C5: variants seen among roughly 807,000 people sequenced by gnomAD.
The protein encoded by C5 is C3 and PZP-like alpha-2-macroglobulin domain-containing protein 4.
In C5, 140 loss-of-function variants were observed where a neutral mutation model predicts 218.8. The observed-to-expected ratio is 0.64, with a 90% CI of 0.56 to 0.74. The LOEUF is 0.74. C5 is among the 30% of genes least tolerant of loss of function. The probability of loss-of-function intolerance (pLI) is 0.00; values close to 1 mark genes in which losing one functional copy is unlikely to be tolerated. For missense variants in C5, 1,700 were observed against 1,969.6 expected (o/e 0.86, Z 2.59); for synonymous variants, 614 against 682.3 (o/e 0.90, Z 1.56).
intron 12 of C5, among the ~76,000 whole-genome samples, chr9:121,019,287 GT>G: frequency 6.6e-6 from 1 of 152,230 alleles, no homozygotes; most frequent in East Asian, 1.9e-4. Context: ...CCTCATTACT[GT>G]TTTTTCAATT....
intron 10 of C5, 37 bp downstream of exon 10, chr9:121,023,367 T>A (rs2047383372): frequency 8.3e-7 from 1 of 1,201,042 alleles, no homozygotes; most frequent in Non-Finnish European, 1.2e-6. Flanking sequence ...AACAAGATGA[T>A]CATATGTAGC....
intron 15 of C5, 126 bp downstream of exon 15, chr9:121,016,128 G>T: frequency 8.2e-7 from 1 of 1,217,682 alleles, no homozygotes; most frequent in Non-Finnish European, 1.2e-6. Flanking sequence ...ATTTTATACA[G>T]GTGAGTTATG....
chr9:121,021,804 T>C, intron 10 of C5, 110 bp from the exon 11 acceptor site: 1 of 1,088,860 alleles, frequency 9.2e-7, no homozygotes. Flanking sequence ...TATTTATGTA[T>C]TTTTTTCTGA....
intron 21 of C5, 35 bp downstream of exon 21, chr9:120,997,512 T>A (rs764319160): frequency 1.4e-6 from 2 of 1,439,644 alleles, no homozygotes; most frequent in East Asian, 2.3e-5. Flanking sequence ...TTTGCAATAA[T>A]TTAAGCATAA....
intron 31 of C5, among the ~76,000 whole-genome samples, chr9:120,971,716 C>T (rs144089168): frequency 2.6e-5 from 4 of 152,304 alleles, no homozygotes; most frequent in African/African-American, 4.8e-5. Context: ...GGATTAAAGG[C>T]GTGAGCCACC....
chr9:120,988,825 G>C (rs532186326), intron 25 of C5, among the ~76,000 whole-genome samples: 25 of 152,128 alleles, frequency 1.6e-4, no homozygotes, highest in Non-Finnish European at 3.4e-4. Context: ...AGGTGTCTTG[G>C]AACAGGATAG....
At chr9:120,975,286 T>TA (rs2131688502) in intron 29 of C5, among the ~76,000 whole-genome samples, 1 of 152,370 alleles carries the variant, frequency 6.6e-6, no homozygotes, top group Non-Finnish European at 1.5e-5. Flanking sequence ...AACAAGGCCA[T>TA]AAACTCCCCT....
intron 22 of C5, among the ~76,000 whole-genome samples, chr9:120,995,834 T>G (rs2047112157): frequency 6.6e-6 from 1 of 151,396 alleles, no homozygotes; most frequent in Non-Finnish European, 1.5e-5. Flanking sequence ...TTTTTTTTTT[T>G]TTTTGACACA....
At position 120,974,833 on chromosome 9, in the gene C5, A is replaced by T; in HGVS notation, c.3963T>A (p.Gly1321=). The T allele has an allele frequency of 6.2e-7, 1 of 1,614,062 alleles. No homozygotes were observed. The highest frequency in any genetic ancestry group is 8.5e-7 in the Non-Finnish European group (1 of 1,179,896). The change falls in exon 30 of 41, where the codon GGT becomes GGA. Residue 1321 remains glycine (G), a synonymous_variant. Coordinates refer to ENST00000223642, the MANE Select transcript of C5 (RefSeq NM_001735.3). ...CTGTCATTTTATAATTATGTAAGGC[A>T]CCTTTATGCTTGTAAGAAACATCGA... ...MDIDVSYKHK[G]ALHNYKMTDK... is the part of the protein sequence containing the mutation.
At chr9:121,000,384 T>C (rs1277159669) in intron 20 of C5, among the ~76,000 whole-genome samples, 1 of 152,068 alleles carries the variant, frequency 6.6e-6, no homozygotes, top group Non-Finnish European at 1.5e-5. Context: ...TACCAGAGAG[T>C]ACTTGCCTAA....
chr9:120,997,663 A>T lies in C5; in HGVS notation c.2674T>A (p.Ser892Thr), dbSNP rs2047128167. 2 of 1,614,010 alleles carry T rather than the reference A, an allele frequency of 1.2e-6. No homozygotes were observed. The highest frequency in any genetic ancestry group is 1.7e-5 in the Admixed American group (1 of 59,994). Residue 892 changes from serine (S) to threonine (T), a missense_variant, in exon 21 of 41, where the codon TCC becomes ACC. Physicochemically the swap from Ser to Thr is moderately conservative, Grantham distance 58. Transcript: ENST00000223642. ...ACAGTGAATGTCACCAAGTGACTGG[A>T]GGAGCCCTCTACTTTCTGGCGCACA... The part of the protein sequence containing the change: ...KCVRQKVEGS[S>T]SHLVTFTVLP...
At chr9:120,981,777 G>A (rs41311909) in intron 27 of C5, 67 bp downstream of exon 27, 71 of 1,015,438 alleles carry the variant, frequency 7.0e-5, no homozygotes, top group Non-Finnish European at 1.1e-4. Flanking sequence ...TCTTCTGATT[G>A]GTGGCCCCTC....
At chr9:121,031,795 G>A (rs1378493472) in intron 6 of C5, among the ~76,000 whole-genome samples, 1 of 152,190 alleles carries the variant, frequency 6.6e-6, no homozygotes, top group Non-Finnish European at 1.5e-5. Context: ...GCTGGGTGCG[G>A]TGGCTCATGC....
chr9:120,967,612 G>A (rs1397957592), intron 33 of C5, among the ~76,000 whole-genome samples: 6 of 152,160 alleles, frequency 3.9e-5, no homozygotes, highest in Non-Finnish European at 8.8e-5. Flanking sequence ...AAAGAACAGG[G>A]AAGAAGTCTG....
chr9:120,999,991 G>A (rs1047912199), intron 20 of C5: 5 of 432,122 alleles, frequency 1.2e-5, no homozygotes, highest in African/African-American at 4.1e-5. Context: ...CCTGGCAGGC[G>A]GAGCTTGCAG....
chr9:121,013,338 CTA>C (rs1466164474), intron 17 of C5, among the ~76,000 whole-genome samples: 2 of 139,334 alleles, frequency 1.4e-5, no homozygotes, highest in African/African-American at 5.4e-5. Context: ...AAAAAAAAGA[CTA>C]TATATAAAGT....
chr9:120,993,449 GTC>G lies in C5; in HGVS notation c.2852-2171_2852-2170del, dbSNP rs888515694. The stretch of plus-strand genomic sequence containing the variant: ...TATATATATATATTTTTGAGACGGA[GTC>G]TCGCTCTGTCGCCCAGGCTGGAGTG... On this transcript the variant is annotated intron_variant, in intron 22 of 40. Coordinates refer to ENST00000223642, the MANE Select transcript of C5 (RefSeq NM_001735.3). Among the ~76,000 whole-genome samples the G allele has an allele frequency of 4.6e-5, 7 of 152,172 alleles. No individual in the cohort carries two copies. The East Asian group carries it at 5.8e-4, about 13-fold the overall frequency.
At chr9:121,050,148 G>C in intron 1 of C5, 34 bp downstream of exon 1, 1 of 1,473,446 alleles carries the variant, frequency 6.8e-7, no homozygotes. Context: ...TAACTAAGAT[G>C]CATTGAAAAA....
chr9:121,016,707 A>G (rs547913952), intron 14 of C5, among the ~76,000 whole-genome samples: 32 of 152,344 alleles, frequency 2.1e-4, no homozygotes, highest in African/African-American at 7.2e-4. Flanking sequence ...AAATAAATAA[A>G]TAGGTATGAA....
Sources: gnomAD v4.1 joint callset for allele counts (sites outside exome capture counted in the v4.1 genomes callset) on GRCh38, gnomAD v4.1.1 for gene constraint, MANE v1.5 for transcripts, NCBI Gene and HGNC (gene_info 2026-07-23, HGNC 2026-07-21) for gene names.